The following CFAP43 variants were observed in gnomAD, a reference collection of about 807,000 sequenced individuals.
CFAP43 encodes the protein cilia and flagella associated protein 43.
In CFAP43, 155 loss-of-function variants were observed where a neutral mutation model predicts 218.9. The observed-to-expected ratio is 0.71, with a 90% CI of 0.62 to 0.81. The LOEUF is 0.81. CFAP43 is among the 30% of genes least tolerant of loss of function. The probability of loss-of-function intolerance (pLI) is 0.00; values close to 1 mark genes in which losing one functional copy is unlikely to be tolerated. For synonymous variants in CFAP43, 645 were observed against 681.3 expected (o/e 0.95, Z 0.83); for missense variants, 1,778 against 1,954.3 (o/e 0.91, Z 1.70).
Position 104,220,949 on chromosome 10 carries a change from C to CGTGTGTGTGT in CFAP43, c.416+4502_416+4511dup, listed in dbSNP as rs68093596. ...CTTTTTCTAACTCTATATGAGTGAG[C>CGTGTGTGTGT]GTGTGTGTGTGTGTGTGTGTGTGTG... On this transcript the variant is annotated intron_variant, in intron 3 of 37. Transcript: ENST00000357060. Among the ~76,000 whole-genome samples the CGTGTGTGTGT allele has an allele frequency of 1.4e-3, 206 of 143,686 alleles. 2 individuals carry two copies. The highest frequency in any genetic ancestry group is 4.9e-3 in the African/African-American group (193 of 39,170). The allele number at this position is 143,686 out of a possible 152,430, so 94.3% of individuals were successfully genotyped here.
chr10:104,160,347 G>T (rs557421913), intron 27 of CFAP43, among the ~76,000 whole-genome samples: 3 of 152,268 alleles, frequency 2.0e-5, no homozygotes, highest in African/African-American at 7.2e-5. Context: ...ATGTGGACAG[G>T]TTCACAACAG....
intron 12 of CFAP43, 70 bp from the exon 13 acceptor site, chr10:104,188,480 T>C: frequency 6.4e-7 from 1 of 1,557,298 alleles, no homozygotes; most frequent in South Asian, 1.2e-5. Flanking sequence ...ACCTTTCCAA[T>C]TAAGATATCA....
chr10:104,203,531 G>T, intron 8 of CFAP43, 141 bp downstream of exon 8: 2 of 712,136 alleles, frequency 2.8e-6, no homozygotes, highest in Non-Finnish European at 4.2e-6. Flanking sequence ...CTTTTAAATT[G>T]GGTATTTTTT....
chr10:104,223,448 G>T (rs1218830647), intron 3 of CFAP43, among the ~76,000 whole-genome samples: 1 of 152,206 alleles, frequency 6.6e-6, no homozygotes, highest in Non-Finnish European at 1.5e-5. Context: ...AGACATTGAT[G>T]TACCCATTTT....
intron 10 of CFAP43, 122 bp downstream of exon 10, chr10:104,196,731 G>T: frequency 1.3e-6 from 1 of 741,390 alleles, no homozygotes; most frequent in Non-Finnish European, 2.1e-6. Context: ...AATCTAGAAG[G>T]CAAAAATGCA....
chr10:104,131,017 A>AAG (rs1351048343), intron 37 of CFAP43, among the ~76,000 whole-genome samples: 1 of 149,918 alleles, frequency 6.7e-6, no homozygotes, highest in African/African-American at 2.5e-5. Flanking sequence ...AAAAAAAAAA[A>AAG]AAAAGAAAAG....
At chr10:104,192,140 T>A in intron 12 of CFAP43, 59 bp downstream of exon 12, 1 of 1,320,616 alleles carries the variant, frequency 7.6e-7, no homozygotes, top group Non-Finnish European at 1.0e-6. Flanking sequence ...TCCATTTTCA[T>A]AACCTTAAAT....
chr10:104,182,500 G>T lies in CFAP43; in HGVS notation c.2155C>A (p.His719Asn). 1 of 1,595,466 alleles carries T rather than the reference G, an allele frequency of 6.3e-7. No homozygotes were observed. ...TAGTCCAGAATTTCACTGGCTAGGTGTCCTCCAAATCGCCTATATTAATAA... is the reference window on the plus strand; with the variant it reads ...TAGTCCAGAATTTCACTGGCTAGGTTTCCTCCAAATCGCCTATATTAATAA... The part of the protein sequence containing the change: ...VYLKWKRFGG[H>N]LASEILDYYQ... Residue 719 changes from histidine (H) to asparagine (N), a missense_variant, in exon 17 of 38, where the codon CAC becomes AAC. By Grantham distance (68) the His-to-Asn change is moderately conservative. This residue lies in a region of CFAP43 where 1,553 missense variants were observed against 1,685.2 expected (regional missense o/e 0.92). Coordinates refer to ENST00000357060, the MANE Select transcript of CFAP43 (RefSeq NM_025145.7).
At chr10:104,152,544 C>T in intron 28 of CFAP43, 63 bp downstream of exon 28, 3 of 1,599,102 alleles carry the variant, frequency 1.9e-6, no homozygotes, top group Non-Finnish European at 2.6e-6. Flanking sequence ...GATCTTCATC[C>T]TAAGAACCAT....
intron 25 of CFAP43, 133 bp downstream of exon 25, chr10:104,162,184 G>T (rs1461461367): frequency 8.2e-7 from 1 of 1,219,038 alleles, no homozygotes; most frequent in Non-Finnish European, 1.2e-6. Context: ...GAGAGAAGGG[G>T]AAAGGAGGCC....
intron 12 of CFAP43, among the ~76,000 whole-genome samples, chr10:104,189,730 C>G (rs1486582206): frequency 6.6e-6 from 1 of 152,158 alleles, no homozygotes; most frequent in African/African-American, 2.4e-5. Flanking sequence ...GGGCAGGGAA[C>G]AGTGGCTCAT....
At chr10:104,166,323 C>T (rs138401933) in intron 23 of CFAP43, among the ~76,000 whole-genome samples, 165 bp downstream of exon 23, 17 of 152,248 alleles carry the variant, frequency 1.1e-4, no homozygotes, top group East Asian at 3.9e-4. Context: ...CTGACTGCCT[C>T]GTCCTCCCAA....
chr10:104,140,742 A>T (rs2087667645), intron 34 of CFAP43, 100 bp downstream of exon 34: 1 of 918,090 alleles, frequency 1.1e-6, no homozygotes, highest in Non-Finnish European at 1.6e-6. Context: ...GAGCCTAGCT[A>T]AGGGTTAAGG....
At chr10:104,225,900 A>C (rs566423402) in intron 2 of CFAP43, among the ~76,000 whole-genome samples, 7 of 152,358 alleles carry the variant, frequency 4.6e-5, no homozygotes, top group Admixed American at 3.9e-4. Flanking sequence ...TAATTAGAAT[A>C]GTTATTCAGA....
intron 8 of CFAP43, among the ~76,000 whole-genome samples, chr10:104,199,220 C>A (rs1232507201): frequency 2.0e-5 from 3 of 152,096 alleles, no homozygotes; most frequent in Non-Finnish European, 4.4e-5. Flanking sequence ...AAAATCTGTT[C>A]TGTAATGAAT....
chr10:104,205,474 A>G (rs1295713732), intron 7 of CFAP43, among the ~76,000 whole-genome samples: 1 of 152,164 alleles, frequency 6.6e-6, no homozygotes, highest in African/African-American at 2.4e-5. Flanking sequence ...CAAGTAAAGT[A>G]CTTAGCTTGG....
intron 3 of CFAP43, among the ~76,000 whole-genome samples, chr10:104,220,324 C>T (rs968331819): frequency 6.6e-6 from 1 of 152,146 alleles, no homozygotes; most frequent in Admixed American, 6.6e-5. Context: ...GTTTAAGCCA[C>T]CCAGTCTGTG....
In CFAP43 at chr10:104,168,754, C is replaced by T. The variant is rs151181112; in HGVS notation, c.2681G>A (p.Arg894Gln). The T allele has an allele frequency of 9.9e-6, 16 of 1,613,774 alleles. No individual in the cohort carries two copies. Among genetic ancestry groups the T allele is most frequent in the East Asian group, 4.5e-5 (2 of 44,878 alleles). ...ECWNSMAVKG[R>Q]ALKCFHIPCV... The stretch of plus-strand genomic sequence containing the variant: ...GGTTCTATCTGTTACCTTAAGAGCT[C>T]GACCTTTCACAGCCATCGAATTCCA... Residue 894 changes from arginine (R) to glutamine (Q), a missense_variant, in exon 21 of 38, where the codon CGA (arginine) becomes CAA (glutamine). Coordinates refer to ENST00000357060, the MANE Select transcript of CFAP43 (RefSeq NM_025145.7).
chr10:104,214,326 A>G lies in CFAP43; in HGVS notation c.517T>C (p.Ser173Pro), dbSNP rs2090955055. The change falls in exon 4 of 38, where the codon TCA (serine) becomes CCA (proline). Residue 173 changes from serine to proline, a missense_variant. Transcript: ENST00000357060. ...CACACGCTCACTGTACTTGGACTTG[A>G]TAAGCACAGCTGGCGCCAGTTCATG... is the stretch of plus-strand genomic sequence containing the variant. ...NPMNWRQLCL[S>P]SPSTVSVWTI... 1.2e-6 allele frequency: 2 copies of G among 1,610,780 alleles called. No individual in the cohort carries two copies. The highest frequency in any genetic ancestry group is 1.7e-6 in the Non-Finnish European group (2 of 1,178,196).
Sources: allele counts gnomAD v4.1 joint callset (sites outside exome capture counted in the v4.1 genomes callset), GRCh38; gene constraint gnomAD v4.1.1; regional missense constraint gnomAD v4.1.1; transcripts MANE v1.5; gene names NCBI Gene and HGNC (gene_info 2026-07-23, HGNC 2026-07-21).